Variants in RIPK1 observed in about 807,000 individuals in gnomAD.
The protein encoded by RIPK1 is receptor interacting serine/threonine kinase 1.
RIPK1 carries 27 observed loss-of-function variants against 62.4 expected under a neutral mutation model. That is an observed-to-expected ratio of 0.43 (90% CI 0.32 to 0.60). The LOEUF (loss-of-function observed/expected upper bound fraction) is 0.60. RIPK1 is among the 20% of genes least tolerant of loss of function. RIPK1 has a pLI of 0.07. For missense variants in RIPK1, 735 were observed against 831.0 expected, an observed-to-expected ratio of 0.88 and a Z score of 1.42; for synonymous variants, 287 against 303.2, an observed-to-expected ratio of 0.95 and a Z score of 0.55.
At chr6:3,100,652 A>G (rs1238447191) in intron 7 of RIPK1, among the ~76,000 whole-genome samples, 2 of 151,826 alleles carry the variant, frequency 1.3e-5, no homozygotes, top group African/African-American at 4.8e-5. Context: ...GTGCAGTGAC[A>G]CAATCTGGGC....
intron 1 of RIPK1, among the ~76,000 whole-genome samples, chr6:3,075,945 T>C (rs1759025510): frequency 1.3e-5 from 2 of 152,108 alleles, no homozygotes; most frequent in African/African-American, 2.4e-5. Context: ...GGGTTGCACA[T>C]TGAGCAGTGC....
At chr6:3,082,796 T>C (rs111920657) in intron 4 of RIPK1, among the ~76,000 whole-genome samples, 2 of 152,252 alleles carry the variant, frequency 1.3e-5, no homozygotes, top group Non-Finnish European at 2.9e-5. Context: ...TGGTTGTTAC[T>C]GTTCTTGTCA....
intron 6 of RIPK1, among the ~76,000 whole-genome samples, chr6:3,089,152 G>T (rs1480709924): frequency 1.3e-5 from 2 of 152,176 alleles, no homozygotes; most frequent in African/African-American, 4.8e-5. Flanking sequence ...GGAACTGGAA[G>T]TTTCTTTTTT....
chr6:3,064,780 C>G (rs1434236782), upstream of RIPK1, among the ~76,000 whole-genome samples: 1 of 152,052 alleles, frequency 6.6e-6, no homozygotes, highest in Non-Finnish European at 1.5e-5. Flanking sequence ...CAGGAGTTTG[C>G]GAAGAGGTGA....
chr6:3,074,940 A>G (rs974363690), intron 1 of RIPK1, among the ~76,000 whole-genome samples: 1 of 152,202 alleles, frequency 6.6e-6, no homozygotes, highest in Admixed American at 6.5e-5. Context: ...TCAGCCTCCC[A>G]AAGTGCTGGG....
chr6:3,090,437 T>C (rs1321324988), intron 7 of RIPK1, among the ~76,000 whole-genome samples: 1 of 152,080 alleles, frequency 6.6e-6, no homozygotes, highest in Non-Finnish European at 1.5e-5. Context: ...TCAGCTAAGA[T>C]AAACTCTAAG....
In RIPK1 at chr6:3,069,066, C is replaced by A. The variant is rs184353624; in HGVS notation, c.-61+405C>A. 2.6e-5 allele frequency among the ~76,000 whole-genome samples: 4 copies of A among 152,284 alleles called. No individual in the cohort carries two copies. The East Asian group carries it at 7.8e-4, about 30-fold the overall frequency. On this transcript the variant is annotated intron_variant, in intron 1 of 10. Coordinates refer to ENST00000259808, the MANE Select transcript of RIPK1 (RefSeq NM_001354930.2). Reference sequence around the variant, plus strand: ...CGCTGGCCGCCTCTGTGCCAGAGGTCGGGGCGCTGGACTGGTAGCGGGCGG... The same window carrying A: ...CGCTGGCCGCCTCTGTGCCAGAGGTAGGGGCGCTGGACTGGTAGCGGGCGG...
rs10526418 is a variant in RIPK1 at position 3,076,699 on chromosome 6, C to CATATATATATATATATATAT, written c.-60-57_-60-38dup. ...TGTCTCCAAAGGAGAAAAAAAAAAA[C>CATATATATATATATATATAT]ATATATATATATATATATATATATA... On this transcript the variant is annotated intron_variant, in intron 1 of 10. Transcript: ENST00000259808. 1.1e-3 allele frequency: 240 copies of CATATATATATATATATATAT among 217,602 alleles called. 9 individuals carry two copies. Among genetic ancestry groups the CATATATATATATATATATAT allele is most frequent in the East Asian group, 5.7e-3 (30 of 5,286 alleles). 13.5% of individuals were successfully genotyped at this position (217,602 alleles called of 1,614,324 possible). A position where few individuals can be genotyped will look rare whatever the true frequency, so the allele number is the denominator to read the frequency against.
chr6:3,084,265 A>G (rs972609486), intron 5 of RIPK1, among the ~76,000 whole-genome samples: 3 of 152,170 alleles, frequency 2.0e-5, no homozygotes, highest in Admixed American at 6.5e-5. Context: ...ACATATTGGA[A>G]ATCCTTCCCA....
Position 3,068,512 on chromosome 6 carries a change from G to A in RIPK1, c.-210G>A. On this transcript the variant is annotated 5_prime_UTR_variant, in exon 1 of 11. Transcript: ENST00000259808. ...CGCGAACAGTCCACGCCCTCCAGCC[G>A]GGCGCGCTCGACGCGGACGGCGGGC... 1.0e-6 allele frequency: 1 copy of A among 985,274 alleles called. No homozygotes were observed. Among genetic ancestry groups the A allele is most frequent in the Non-Finnish European group, 1.2e-6 (1 of 829,836 alleles). 61.0% of individuals were successfully genotyped at this position (985,274 alleles called of 1,614,324 possible). A position where few individuals can be genotyped will look rare whatever the true frequency, so the allele number is the denominator to read the frequency against.
At chr6:3,100,856 G>A (rs1760557499) in intron 7 of RIPK1, among the ~76,000 whole-genome samples, 1 of 152,088 alleles carries the variant, frequency 6.6e-6, no homozygotes, top group Admixed American at 6.6e-5. Flanking sequence ...GCCTCCTAGA[G>A]TGCTGGGATT....
At chr6:3,103,265 G>A (rs1476057781) in intron 7 of RIPK1, among the ~76,000 whole-genome samples, 1 of 149,082 alleles carries the variant, frequency 6.7e-6, no homozygotes, top group Non-Finnish European at 1.5e-5. Flanking sequence ...GATATATATT[G>A]TTTGCAACTT....
chr6:3,101,373 T>C (rs779806449), intron 7 of RIPK1, among the ~76,000 whole-genome samples: 1 of 152,254 alleles, frequency 6.6e-6, no homozygotes, highest in Non-Finnish European at 1.5e-5. Context: ...GAGGATTGCT[T>C]GAGCCCAGGA....
chr6:3,087,616 C>T lies in RIPK1; in HGVS notation c.839-1965C>T, dbSNP rs890378402. Among the ~76,000 whole-genome samples the T allele has an allele frequency of 8.6e-5, 13 of 150,514 alleles. No individual in the cohort carries two copies. The Middle Eastern group carries it at 0.01, about 118-fold the overall frequency. ...TGTCGCCCAGGTTGGAGTGCAGTGG[C>T]GCAAGCTCTGCCTCCTGGGTTCACG... is the stretch of plus-strand genomic sequence containing the variant. On this transcript the variant is annotated intron_variant, in intron 6 of 10. Coordinates refer to ENST00000259808, the MANE Select transcript of RIPK1 (RefSeq NM_001354930.2).
intron 7 of RIPK1, among the ~76,000 whole-genome samples, chr6:3,100,135 A>ATTT (rs1363511333): frequency 6.6e-6 from 1 of 152,128 alleles, no homozygotes; most frequent in Admixed American, 6.6e-5. Context: ...AGATATATAT[A>ATTT]TTTTGGCCTG....
intron 5 of RIPK1, among the ~76,000 whole-genome samples, chr6:3,084,385 T>C (rs1759578345): frequency 6.6e-6 from 1 of 152,104 alleles, no homozygotes; most frequent in Admixed American, 6.5e-5. Flanking sequence ...CCTCCCTTCT[T>C]TGTCAGTGTG....
In RIPK1 at chr6:3,104,251, T is replaced by C. The variant is rs143730914; in HGVS notation, c.942T>C (p.Val314=). ...LKKEYSNENA[V]VKRMQSLQLD... ...AAGAGTATTCAAACGAAAATGCAGT[T>C]GTGAAGAGAATGCAGTCTCTTCAAC... The change falls in exon 8 of 11, where the codon GTT becomes GTC. Residue 314 remains valine, a synonymous_variant. Coordinates refer to ENST00000259808, the MANE Select transcript of RIPK1 (RefSeq NM_001354930.2). The C allele has an allele frequency of 4.9e-5, 78 of 1,598,052 alleles. No homozygotes were observed. The highest frequency in any genetic ancestry group is 6.1e-5 in the Non-Finnish European group (71 of 1,165,978).
At chr6:3,071,306 T>C (rs1034574207) in intron 1 of RIPK1, among the ~76,000 whole-genome samples, 3 of 152,226 alleles carry the variant, frequency 2.0e-5, no homozygotes. Flanking sequence ...TATTTTGATA[T>C]GTATACTTAC....
chr6:3,108,099 A>G (rs948779808), intron 9 of RIPK1, among the ~76,000 whole-genome samples: 1 of 151,940 alleles, frequency 6.6e-6, no homozygotes, highest in Non-Finnish European at 1.5e-5. Flanking sequence ...GTGTGTATGC[A>G]GTAAGTACAA....
Sources: allele counts gnomAD v4.1 joint callset (sites outside exome capture counted in the v4.1 genomes callset), GRCh38; gene constraint gnomAD v4.1.1; transcripts MANE v1.5; gene names NCBI Gene and HGNC (gene_info 2026-07-23, HGNC 2026-07-21).